CPLX2: variants seen among roughly 807,000 people sequenced by gnomAD.
The protein encoded by CPLX2 is complexin 2.
CPLX2 carries 5 observed loss-of-function variants against 16.3 expected under a neutral mutation model. That is an observed-to-expected ratio of 0.31 (90% CI 0.16 to 0.64). CPLX2 has a LOEUF of 0.64. CPLX2 is among the 30% of genes least tolerant of loss of function. The pLI is 0.79. For missense variants in CPLX2, 144 were observed against 181.4 expected, an observed-to-expected ratio of 0.79 and a Z score of 1.18; for synonymous variants, 89 against 73.2, an observed-to-expected ratio of 1.22 and a Z score of -1.10.
rs1581109716 is a variant in CPLX2 at position 175,882,119 on chromosome 5, A to C, written c.*2074A>C. ...TCCCTTGACCTACCTTCCTCCCCGCACCCCGCCCCCACCTTGTGCCCCTGT... is the reference window on the plus strand; with the variant it reads ...TCCCTTGACCTACCTTCCTCCCCGCCCCCCGCCCCCACCTTGTGCCCCTGT... On this transcript the variant is annotated 3_prime_UTR_variant, in exon 4 of 4. Transcript: ENST00000393745. 5 of 147,446 alleles carry C rather than the reference A, an allele frequency of 3.4e-5. No individual in the cohort carries two copies. The highest frequency in any genetic ancestry group is 6.8e-5 in the Admixed American group (1 of 14,814). 9.1% of individuals were successfully genotyped at this position (147,446 alleles called of 1,614,324 possible).
At chr5:175,844,860 C>T (rs1759012993) in intron 2 of CPLX2, among the ~76,000 whole-genome samples, 1 of 152,202 alleles carries the variant, frequency 6.6e-6, no homozygotes, top group Non-Finnish European at 1.5e-5. Flanking sequence ...TTGTAAACTC[C>T]AAGGGCTGGG....
chr5:175,822,045 T>C (rs1337187067), intron 2 of CPLX2, among the ~76,000 whole-genome samples: 1 of 152,180 alleles, frequency 6.6e-6, no homozygotes, highest in East Asian at 1.9e-4. Flanking sequence ...CTGTGGACAG[T>C]TGTTTAAGGA....
chr5:175,860,782 C>T (rs2113689400), intron 2 of CPLX2, among the ~76,000 whole-genome samples: 1 of 152,234 alleles, frequency 6.6e-6, no homozygotes, highest in South Asian at 2.1e-4. Flanking sequence ...GGATCTAATG[C>T]CCACCCATGG....
chr5:175,858,855 A>C (rs963191795), intron 2 of CPLX2, among the ~76,000 whole-genome samples: 2 of 152,232 alleles, frequency 1.3e-5, no homozygotes, highest in Non-Finnish European at 2.9e-5. Flanking sequence ...TGATTGGTCT[A>C]TGTGGGGCAG....
intron 2 of CPLX2, among the ~76,000 whole-genome samples, chr5:175,855,344 T>A (rs1402618806): frequency 6.6e-6 from 1 of 152,246 alleles, no homozygotes; most frequent in Admixed American, 6.5e-5. Flanking sequence ...ATCTGCGTAA[T>A]GATCACAATG....
intron 2 of CPLX2, among the ~76,000 whole-genome samples, chr5:175,846,140 C>A (rs555192923): frequency 5.9e-5 from 9 of 152,176 alleles, no homozygotes; most frequent in Admixed American, 4.6e-4. Flanking sequence ...CCCGCACCCC[C>A]CTGCCTGGCC....
intron 2 of CPLX2, among the ~76,000 whole-genome samples, chr5:175,833,751 C>T (rs1758773531): frequency 2.0e-5 from 3 of 152,160 alleles, no homozygotes; most frequent in Admixed American, 2.0e-4. Flanking sequence ...CAGTCAGTCC[C>T]CAGACGGAGG....
rs981462213 is a variant in CPLX2, at chr5:175,819,488, C to T, written c.-89+10420C>T. ...GTTGGAATTTTTATTTCCCCAAAGA[C>T]GAGTAGGTTAAACACCTTTTCATAT... On this transcript the variant is annotated intron_variant, in intron 2 of 4. Coordinates refer to the CPLX2 transcript ENST00000359546. Among the ~76,000 whole-genome samples the T allele has an allele frequency of 3.3e-5, 5 of 152,162 alleles. No individual in the cohort carries two copies. In the East Asian group the frequency reaches 5.8e-4, roughly 18 times the overall value.
intron 2 of CPLX2, among the ~76,000 whole-genome samples, chr5:175,836,230 G>A (rs1300593473): frequency 6.6e-6 from 1 of 152,060 alleles, no homozygotes; most frequent in Non-Finnish European, 1.5e-5. Flanking sequence ...GGCACCTGTG[G>A]TCCCAGCTAC....
At chr5:175,808,304 A>G (rs1216232119) in intron 1 of CPLX2, among the ~76,000 whole-genome samples, 1 of 152,182 alleles carries the variant, frequency 6.6e-6, no homozygotes, top group Admixed American at 6.5e-5. Context: ...CAAACTTGTC[A>G]CGATGCTCAG....
rs1755615555 is a variant in CPLX2 at position 175,881,824 on chromosome 5, CAGGGGCCAGGG to C, written c.*1785_*1795del. 6.6e-6 allele frequency: 1 copy of C among 152,666 alleles called. No homozygotes were observed. The highest frequency in any genetic ancestry group is 2.4e-5 in the African/African-American group (1 of 41,462). The allele number at this position is 152,666 out of a possible 1,614,324, so 9.5% of individuals were successfully genotyped here. A position where few individuals can be genotyped will look rare whatever the true frequency, so the allele number is the denominator to read the frequency against. On this transcript the variant is annotated 3_prime_UTR_variant, in exon 4 of 4. Transcript: ENST00000393745. ...CCCCCGCCAGGGCCTATCCCAAAAG[CAGGGGCCAGGG>C]AGGGGGCGACTTGCCTGCCCCTGAA...
upstream of CPLX2, among the ~76,000 whole-genome samples, chr5:175,870,751 T>C (rs1274361691): frequency 2.6e-5 from 4 of 152,182 alleles, no homozygotes; most frequent in Non-Finnish European, 1.5e-5. Flanking sequence ...CCTTCTAGAA[T>C]AAATTTTGCC....
intron 2 of CPLX2, among the ~76,000 whole-genome samples, chr5:175,820,610 T>C: frequency 6.6e-6 from 1 of 152,176 alleles, no homozygotes; most frequent in South Asian, 2.1e-4. Context: ...TTTTAGGAGC[T>C]GTGGTTAGTA....
chr5:175,879,179 C>T (rs1755502784), intron 3 of CPLX2, 96 bp downstream of exon 3: 1 of 1,296,936 alleles, frequency 7.7e-7, no homozygotes, highest in Non-Finnish European at 1.0e-6. Context: ...GATCCCAGCT[C>T]TCACCTTCGC....
chr5:175,822,223 G>A (rs879326457), intron 2 of CPLX2, among the ~76,000 whole-genome samples: 15 of 151,756 alleles, frequency 9.9e-5, no homozygotes. Flanking sequence ...ACCATAAGAC[G>A]TACTTTTGAG....
intron 3 of CPLX2, 145 bp downstream of exon 3, chr5:175,879,228 G>T: frequency 1.2e-6 from 1 of 833,180 alleles, no homozygotes; most frequent in South Asian, 1.8e-5. Flanking sequence ...AGCAAAACGG[G>T]TATCACAAGG....
intron 2 of CPLX2, among the ~76,000 whole-genome samples, chr5:175,862,500 T>C (rs1025319223): frequency 1.3e-5 from 2 of 151,882 alleles, no homozygotes; most frequent in Non-Finnish European, 2.9e-5. Flanking sequence ...AGAAACATGG[T>C]TGAGGTTGTG....
At chr5:175,823,913 C>T (rs1456591659) in intron 2 of CPLX2, among the ~76,000 whole-genome samples, 1 of 152,186 alleles carries the variant, frequency 6.6e-6, no homozygotes, top group East Asian at 1.9e-4. Context: ...TTGCCACCCA[C>T]AGGAGGAGGA....
At chr5:175,879,762 C>A in intron 3 of CPLX2, 86 bp from the exon 4 acceptor site, 1 of 1,330,428 alleles carries the variant, frequency 7.5e-7, no homozygotes, top group Non-Finnish European at 1.1e-6. Context: ...TCCTGGCCAC[C>A]TCAGCCAGTG....
Sources: gnomAD v4.1 joint callset for allele counts (sites outside exome capture counted in the v4.1 genomes callset) on GRCh38, gnomAD v4.1.1 for gene constraint, MANE v1.5 for transcripts, NCBI Gene and HGNC (gene_info 2026-07-23, HGNC 2026-07-21) for gene names.